Variants in TBC1D22A observed in about 807,000 individuals in gnomAD.
TBC1D22A encodes the protein putative GTPase activator.
A neutral mutation model predicts 60.2 loss-of-function variants in TBC1D22A; 38 were observed. The ratio of observed to expected loss-of-function variants is 0.63; its 90% confidence interval spans 0.49 to 0.83. TBC1D22A has a LOEUF of 0.83. Among genes scored for constraint, TBC1D22A ranks in the 40% least tolerant of loss-of-function variants. The pLI is 0.00. For synonymous variants in TBC1D22A, 302 were observed against 281.7 expected (o/e 1.07, Z -0.72); for missense variants, 628 against 701.0 (o/e 0.90, Z 1.18).
chr22:46,997,700 C>A lies in TBC1D22A; in HGVS notation c.1192C>A (p.Arg398=). ...GAAAATGTTAGAAGAACTCGTGAGC[C>A]GGATTGATGGTAAGCCAGCTTCCCG... ...KVKMLEELVS[R]IDEQVHRHLD... is the part of the protein sequence containing the mutation. The change falls in exon 10 of 13, where the codon CGG becomes AGG. Residue 398 remains arginine, a synonymous_variant. Transcript: ENST00000337137. 1 of 1,613,918 alleles carries A rather than the reference C, an allele frequency of 6.2e-7. No homozygotes were observed. The highest frequency in any genetic ancestry group is 8.5e-7 in the Non-Finnish European group (1 of 1,179,990).
At chr22:46,844,174 G>T (rs1024388964) in intron 4 of TBC1D22A, among the ~76,000 whole-genome samples, 1 of 151,012 alleles carries the variant, frequency 6.6e-6, no homozygotes, top group African/African-American at 2.4e-5. Flanking sequence ...TTATCAAGCC[G>T]TTCTAAGCAT....
At chr22:47,011,579 G>A (rs992451497) in intron 10 of TBC1D22A, among the ~76,000 whole-genome samples, 1 of 152,224 alleles carries the variant, frequency 6.6e-6, no homozygotes, top group Admixed American at 6.5e-5. Flanking sequence ...TAATGGAGCA[G>A]CCTGCACGTT....
chr22:46,991,925 C>T (rs2074957711), intron 9 of TBC1D22A, among the ~76,000 whole-genome samples: 1 of 152,188 alleles, frequency 6.6e-6, no homozygotes, highest in Non-Finnish European at 1.5e-5. Flanking sequence ...CTCATCTCTG[C>T]TCAGACCTCA....
intron 6 of TBC1D22A, among the ~76,000 whole-genome samples, chr22:46,892,662 C>T (rs1350700732): frequency 1.3e-5 from 2 of 152,188 alleles, no homozygotes; most frequent in South Asian, 2.1e-4. Context: ...ATAAATTTGG[C>T]GTTGTTTTGA....
At chr22:46,919,674 C>T (rs555899325) in intron 8 of TBC1D22A, among the ~76,000 whole-genome samples, 135 of 151,900 alleles carry the variant, frequency 8.9e-4, no homozygotes, top group African/African-American at 3.1e-3. Context: ...GCGTATGTTT[C>T]CTCTTCCTGC....
chr22:46,931,824 T>C (rs2071368275), intron 8 of TBC1D22A, among the ~76,000 whole-genome samples: 1 of 152,276 alleles, frequency 6.6e-6, no homozygotes, highest in African/African-American at 2.4e-5. Context: ...TGTAGTTTTC[T>C]CCATTCCTGG....
chr22:47,095,307 G>A lies in TBC1D22A; in HGVS notation c.1330-16201G>A, dbSNP rs1427968568. 5.3e-5 allele frequency among the ~76,000 whole-genome samples: 8 copies of A among 152,340 alleles called. No homozygotes were observed. The Middle Eastern group carries it at 0.01, about 194-fold the overall frequency. On this transcript the variant is annotated intron_variant, in intron 11 of 12. Transcript: ENST00000337137. Reference sequence around the variant, plus strand: ...CACATCTATGTAAATACGCATATGCGGGGAAATCTCGTGAGGCCAGAAGGC... The same window carrying A: ...CACATCTATGTAAATACGCATATGCAGGGAAATCTCGTGAGGCCAGAAGGC...
chr22:47,031,464 G>A (rs1415359050), intron 10 of TBC1D22A, among the ~76,000 whole-genome samples: 1 of 152,248 alleles, frequency 6.6e-6, no homozygotes, highest in Non-Finnish European at 1.5e-5. Context: ...CCTTGCCTGT[G>A]CCTGTGAGGT....
intron 4 of TBC1D22A, among the ~76,000 whole-genome samples, chr22:46,853,978 G>A (rs2087430034): frequency 6.6e-6 from 1 of 152,164 alleles, no homozygotes; most frequent in African/African-American, 2.4e-5. Context: ...TTTTCCCAGG[G>A]TTCTGTGACA....
At chr22:46,989,544 C>G (rs2074854952) in intron 9 of TBC1D22A, among the ~76,000 whole-genome samples, 1 of 151,950 alleles carries the variant, frequency 6.6e-6, no homozygotes, top group African/African-American at 2.4e-5. Flanking sequence ...AATAGGAAGG[C>G]CCGAGGAGAG....
At chr22:47,019,805 C>G (rs541436485) in intron 10 of TBC1D22A, among the ~76,000 whole-genome samples, 1 of 151,936 alleles carries the variant, frequency 6.6e-6, no homozygotes, top group African/African-American at 2.4e-5. Context: ...TGCCTTAACC[C>G]TCCATCCTTC....
At chr22:47,141,605 T>C (rs1375161413) in intron 12 of TBC1D22A, among the ~76,000 whole-genome samples, 5 of 152,192 alleles carry the variant, frequency 3.3e-5, no homozygotes, top group African/African-American at 1.2e-4. Context: ...CTTTCCTCCA[T>C]GTCTTCCGGA....
At chr22:47,052,610 G>T (rs2063262259) in intron 11 of TBC1D22A, among the ~76,000 whole-genome samples, 1 of 152,214 alleles carries the variant, frequency 6.6e-6, no homozygotes, top group African/African-American at 2.4e-5. Flanking sequence ...CTTCTCCGGG[G>T]ATGGCCCTGT....
intron 11 of TBC1D22A, among the ~76,000 whole-genome samples, chr22:47,081,749 A>G (rs1191824137): frequency 2.6e-5 from 4 of 152,234 alleles, no homozygotes. Flanking sequence ...ATTTAAAACT[A>G]CTCAAGATCT....
intron 11 of TBC1D22A, 47 bp from the exon 12 acceptor site, chr22:47,111,461 T>C (rs1380976408): frequency 6.4e-7 from 1 of 1,554,586 alleles, no homozygotes; most frequent in Non-Finnish European, 8.8e-7. Flanking sequence ...GTGATGTTAA[T>C]GGGTCACGCG....
chr22:46,968,985 G>A (rs1348300457), intron 8 of TBC1D22A, among the ~76,000 whole-genome samples: 1 of 152,110 alleles, frequency 6.6e-6, no homozygotes, highest in African/African-American at 2.4e-5. Context: ...GGAGTCTCAG[G>A]CTGGACGTGG....
chr22:46,963,760 C>T (rs932072402), intron 8 of TBC1D22A, among the ~76,000 whole-genome samples: 12 of 152,234 alleles, frequency 7.9e-5, no homozygotes, highest in Admixed American at 3.3e-4. Flanking sequence ...CCTCCCCTCC[C>T]GGCCTCCAAG....
At chr22:47,079,394 A>C (rs1243356405) in intron 11 of TBC1D22A, among the ~76,000 whole-genome samples, 1 of 152,134 alleles carries the variant, frequency 6.6e-6, no homozygotes, top group Non-Finnish European at 1.5e-5. Flanking sequence ...GCCGGGACAG[A>C]CATCTTGATA....
chr22:46,951,954 T>G (rs2072929261), intron 8 of TBC1D22A, among the ~76,000 whole-genome samples: 1 of 152,218 alleles, frequency 6.6e-6, no homozygotes, highest in Admixed American at 6.5e-5. Flanking sequence ...TTATTGGAGT[T>G]GGACCAATGA....
Sources: allele counts gnomAD v4.1 joint callset (sites outside exome capture counted in the v4.1 genomes callset), GRCh38; gene constraint gnomAD v4.1.1; transcripts MANE v1.5; gene names NCBI Gene and HGNC (gene_info 2026-07-23, HGNC 2026-07-21).